IL1R1: variants seen among roughly 807,000 people sequenced by gnomAD.
IL1R1 encodes the protein interleukin 1 receptor type 1, also known as interleukin-1 receptor type 1.
A neutral mutation model predicts 50.2 loss-of-function variants in IL1R1; 22 were observed. That is an observed-to-expected ratio of 0.44 (90% CI 0.31 to 0.63). IL1R1 has a LOEUF of 0.63. Ranked by LOEUF, IL1R1 falls within the 20% of genes least tolerant of loss-of-function variation. The pLI, the probability that IL1R1 is intolerant of heterozygous loss-of-function variation, is 0.07. For missense variants in IL1R1, 509 were observed against 676.2 expected (o/e 0.75, Z 2.74); for synonymous variants, 251 against 236.7 (o/e 1.06, Z -0.55).
intron 1 of IL1R1, among the ~76,000 whole-genome samples, chr2:102,135,372 A>C (rs1407114190): frequency 6.6e-6 from 1 of 151,866 alleles, no homozygotes; most frequent in African/African-American, 2.4e-5. Context: ...GGATGAAGAC[A>C]CTCCTCACCC....
At chr2:102,165,385 A>G in intron 5 of IL1R1, 81 bp downstream of exon 5, 1 of 692,694 alleles carries the variant, frequency 1.4e-6, no homozygotes, top group Non-Finnish European at 2.2e-6. Flanking sequence ...TCTGCAAAGT[A>G]CCTTTTTATT....
At chr2:102,098,653 T>G (rs184887576) in intron 1 of IL1R1, among the ~76,000 whole-genome samples, 1 of 152,140 alleles carries the variant, frequency 6.6e-6, no homozygotes, top group African/African-American at 2.4e-5. Context: ...TAAAAACTAT[T>G]TGTTAAGTCA....
chr2:102,175,843 T>C (rs892525526), intron 11 of IL1R1, 198 bp downstream of exon 11: 1 of 626,380 alleles, frequency 1.6e-6, no homozygotes, highest in Non-Finnish European at 2.8e-6. Context: ...AATAATTAAG[T>C]GATTTTCATT....
chr2:102,171,613 C>T (rs1181597403), intron 7 of IL1R1, among the ~76,000 whole-genome samples, 188 bp from the exon 8 acceptor site: 1 of 152,026 alleles, frequency 6.6e-6, no homozygotes, highest in Non-Finnish European at 1.5e-5. Flanking sequence ...CACATGTTCA[C>T]AGAGAAGATA....
chr2:102,174,657 C>T lies in IL1R1; in HGVS notation c.1062C>T (p.Phe354=), dbSNP rs1685963475. ...TLTVIIVCSV[F]IYKIFKIDIV... ...CAGTCATAATTGTGTGTTCTGTTTT[C>T]ATCTATAAAATCTTCAAGATTGACA... The change falls in exon 10 of 12, where the codon TTC becomes TTT. Residue 354 remains phenylalanine (F), a synonymous_variant. Transcript: ENST00000410023. 1.9e-6 allele frequency: 3 copies of T among 1,611,262 alleles called. No homozygotes were observed. Among genetic ancestry groups the T allele is most frequent in the African/African-American group, 2.7e-5 (2 of 74,664 alleles).
chr2:102,106,507 C>T (rs1431367771), intron 1 of IL1R1, among the ~76,000 whole-genome samples: 1 of 152,144 alleles, frequency 6.6e-6, no homozygotes, highest in East Asian at 1.9e-4. Context: ...GAAAACTTGG[C>T]AGGAACGGTC....
chr2:102,179,022 C>T lies in IL1R1; in HGVS notation c.*2263C>T, dbSNP rs1237567061. 4 of 152,354 alleles carry T rather than the reference C, an allele frequency of 2.6e-5. No homozygotes were observed. The highest frequency in any genetic ancestry group is 9.7e-5 in the African/African-American group (4 of 41,442). 9.4% of individuals were successfully genotyped at this position (152,354 alleles called of 1,614,324 possible). On this transcript the variant is annotated 3_prime_UTR_variant, in exon 12 of 12. Coordinates refer to ENST00000410023, the MANE Select transcript of IL1R1 (RefSeq NM_000877.4). ...CTTTCTCCTGGGCCCGCTTTGCCTG[C>T]TTGAAGGAACAGTGCTGTTCTGGAG...
At chr2:102,106,557 A>C (rs13029804) in intron 1 of IL1R1, among the ~76,000 whole-genome samples, 41,388 of 152,070 alleles carry the variant, frequency 0.27, 6,373 homozygotes, top group African/African-American at 0.42. Context: ...ACGTCCTTGG[A>C]ACATTTACAC....
chr2:102,153,544 A>G (rs1227197209), intron 1 of IL1R1, among the ~76,000 whole-genome samples: 1 of 152,172 alleles, frequency 6.6e-6, no homozygotes, highest in Non-Finnish European at 1.5e-5. Flanking sequence ...AATCTCATCT[A>G]AATTATAATC....
exon 1 of IL1R1, chr2:102,104,660 G>C (rs777347411): frequency 6.6e-6 from 1 of 152,222 alleles, no homozygotes; most frequent in African/African-American, 2.4e-5. Context: ...TGGGGCGTCC[G>C]GCAAGATGTG....
intron 1 of IL1R1, among the ~76,000 whole-genome samples, chr2:102,124,215 A>G (rs1480110152): frequency 1.3e-5 from 2 of 152,172 alleles, no homozygotes; most frequent in African/African-American, 4.8e-5. Context: ...CAAGGTCAGG[A>G]GTTCAAGACC....
intron 10 of IL1R1, among the ~76,000 whole-genome samples, chr2:102,175,002 T>C (rs1005544652): frequency 4.6e-5 from 7 of 152,172 alleles, no homozygotes; most frequent in African/African-American, 1.7e-4. Context: ...CACAAGCCAT[T>C]GGTAGGCCTT....
intron 1 of IL1R1, among the ~76,000 whole-genome samples, chr2:102,122,547 G>A (rs1681461577): frequency 6.6e-6 from 1 of 152,188 alleles, no homozygotes; most frequent in Non-Finnish European, 1.5e-5. Flanking sequence ...TCAGTTATGA[G>A]TTGGTGATTT....
intron 1 of IL1R1, among the ~76,000 whole-genome samples, chr2:102,087,473 A>G (rs1679478926): frequency 6.6e-6 from 1 of 152,192 alleles, no homozygotes; most frequent in Non-Finnish European, 1.5e-5. Flanking sequence ...AGTTTAGGTA[A>G]TATTCATAAT....
intron 1 of IL1R1, among the ~76,000 whole-genome samples, chr2:102,106,082 G>T (rs1680393388): frequency 6.6e-6 from 1 of 152,194 alleles, no homozygotes; most frequent in Non-Finnish European, 1.5e-5. Flanking sequence ...ACTCCTTATT[G>T]CTCATGCAAA....
intron 1 of IL1R1, among the ~76,000 whole-genome samples, chr2:102,072,792 T>C (rs1289073390): frequency 6.6e-6 from 1 of 152,232 alleles, no homozygotes; most frequent in South Asian, 2.1e-4. Flanking sequence ...GTCTTTTCTA[T>C]GCAAAAGTTT....
At chr2:102,158,804 C>T (rs1034821176) in intron 3 of IL1R1, among the ~76,000 whole-genome samples, 2 of 152,016 alleles carry the variant, frequency 1.3e-5, no homozygotes, top group African/African-American at 4.8e-5. Flanking sequence ...CGTTTTGATT[C>T]CTGTTTTGAG....
chr2:102,079,856 T>G (rs1679131743), intron 1 of IL1R1, among the ~76,000 whole-genome samples: 2 of 152,130 alleles, frequency 1.3e-5, no homozygotes, highest in African/African-American at 4.8e-5. Context: ...AGCAACGGTA[T>G]CCAAGACAGT....
At chr2:102,092,168 T>G (rs188859986) in intron 1 of IL1R1, among the ~76,000 whole-genome samples, 1 of 152,110 alleles carries the variant, frequency 6.6e-6, no homozygotes, top group Admixed American at 6.5e-5. Flanking sequence ...ACATAACCAT[T>G]AAAAGCTTTG....
Sources: gnomAD v4.1 joint callset for allele counts (sites outside exome capture counted in the v4.1 genomes callset) on GRCh38, gnomAD v4.1.1 for gene constraint, MANE v1.5 for transcripts, NCBI Gene and HGNC (gene_info 2026-07-23, HGNC 2026-07-21) for gene names.